WDR17: variants seen among roughly 807,000 people sequenced by gnomAD.
WDR17 encodes WD repeat-containing protein 17.
In WDR17, 143 loss-of-function variants were observed where a neutral mutation model predicts 161.7. The observed-to-expected ratio is 0.88, with a 90% CI of 0.77 to 1.02. The LOEUF (loss-of-function observed/expected upper bound fraction) is 1.02, where lower values mean the gene tolerates loss of function less well. Among genes scored for constraint, WDR17 ranks in the 50% least tolerant of loss-of-function variants. The pLI, the probability that WDR17 is intolerant of heterozygous loss-of-function variation, is 0.00. For synonymous variants in WDR17, 517 were observed against 515.6 expected, an observed-to-expected ratio of 1.00 and a Z score of -0.04; for missense variants, 1,469 against 1,520.9, an observed-to-expected ratio of 0.97 and a Z score of 0.57.
chr4:176,073,762 A>C (rs1287552456), intron 1 of WDR17, among the ~76,000 whole-genome samples: 1 of 151,474 alleles, frequency 6.6e-6, no homozygotes, highest in Non-Finnish European at 1.5e-5. Context: ...CCTCTCCAGC[A>C]CCTGTTGTTT....
At chr4:176,143,530 A>T (rs1016586744) in intron 11 of WDR17, among the ~76,000 whole-genome samples, 3 of 151,778 alleles carry the variant, frequency 2.0e-5, no homozygotes, top group Non-Finnish European at 4.4e-5. Context: ...AAATGAAAAA[A>T]TTAGTCAAAC....
chr4:176,156,909 A>T (rs566699601), intron 18 of WDR17, among the ~76,000 whole-genome samples: 1 of 152,026 alleles, frequency 6.6e-6, no homozygotes, highest in South Asian at 2.1e-4. Flanking sequence ...TTATCTGCAC[A>T]TGGCATTATT....
chr4:176,158,391 TTTTTAGG>T (rs1748491916), intron 18 of WDR17, among the ~76,000 whole-genome samples: 1 of 152,150 alleles, frequency 6.6e-6, no homozygotes, highest in Non-Finnish European at 1.5e-5. Context: ...TATAACATAA[TTTTTAGG>T]TTTTAGGTTT....
intron 1 of WDR17, among the ~76,000 whole-genome samples, chr4:176,081,688 G>A (rs1031892243): frequency 4.6e-5 from 7 of 152,022 alleles, no homozygotes; most frequent in South Asian, 2.1e-4. Flanking sequence ...CCTTTCCTTC[G>A]GGGATGCAAG....
At chr4:176,067,398 G>A (rs1348078639) in intron 1 of WDR17, among the ~76,000 whole-genome samples, 1 of 152,130 alleles carries the variant, frequency 6.6e-6, no homozygotes, top group Non-Finnish European at 1.5e-5. Flanking sequence ...ATTTCAAAGG[G>A]CATATACGGA....
intron 2 of WDR17, among the ~76,000 whole-genome samples, chr4:176,113,313 A>T (rs1015257782): frequency 6.6e-6 from 1 of 152,092 alleles, no homozygotes; most frequent in Admixed American, 6.6e-5. Flanking sequence ...TAAGGATGGT[A>T]AAGAAACTCA....
chr4:176,107,977 C>CTTCT (rs1739061924), intron 1 of WDR17, among the ~76,000 whole-genome samples: 1 of 146,780 alleles, frequency 6.8e-6, no homozygotes, highest in Non-Finnish European at 1.5e-5. Context: ...TCCTTCCTTC[C>CTTCT]TTCTTTCTTT....
intron 11 of WDR17, among the ~76,000 whole-genome samples, chr4:176,145,405 A>G (rs911136068): frequency 5.3e-5 from 8 of 152,214 alleles, no homozygotes; most frequent in African/African-American, 1.7e-4. Context: ...CAAACAGTTA[A>G]AGCATCTTAA....
At chr4:176,149,513 A>G (rs925506789) in intron 13 of WDR17, among the ~76,000 whole-genome samples, 16 of 151,766 alleles carry the variant, frequency 1.1e-4, no homozygotes, top group African/African-American at 3.6e-4. Flanking sequence ...CAAGGGATCC[A>G]CCCGCCTCAG....
rs778731861 is a variant in WDR17 at position 176,131,707 on chromosome 4, G to A, written c.1067G>A (p.Gly356Glu). Reference sequence around the variant, plus strand: ...GGTGGAGTTGGACTTTATGATATGGGAGCTAAGAAGTGGGATTTTCTTAGA... The same window carrying A: ...GGTGGAGTTGGACTTTATGATATGGAAGCTAAGAAGTGGGATTTTCTTAGA... ...LDGGVGLYDM[G>E]AKKWDFLRDL... is the part of the protein sequence containing the mutation. The change falls in exon 7 of 29, where the codon GGA becomes GAA. Residue 356 changes from glycine (G) to glutamate (E), a missense_variant. Gly to Glu is a moderately conservative substitution (Grantham distance 98). Coordinates refer to ENST00000508596, the MANE Select transcript of WDR17 (RefSeq NM_181265.4). 6.2e-7 allele frequency: 1 copy of A among 1,611,766 alleles called. No individual in the cohort carries two copies. The highest frequency in any genetic ancestry group is 8.5e-7 in the Non-Finnish European group (1 of 1,179,136).
At position 176,172,375 on chromosome 4, in the gene WDR17, T is replaced by C; in HGVS notation, c.3103T>C (p.Cys1035Arg). ...TGTTTTCAAATCAATTATTTTCTAG[T>C]GTAAGCTACCCACAGTGGAAGAATG... Reference protein sequence around the residue: ...TEEINDLHDKCKLPTVEECMQ... With the variant: ...TEEINDLHDKRKLPTVEECMQ... Residue 1035 changes from cysteine to arginine, a missense_variant and splice_region_variant, in exon 24 of 29, where the codon TGT becomes CGT. By Grantham distance (180) the Cys-to-Arg change is radical. Transcript: ENST00000508596. The C allele has an allele frequency of 1.2e-6, 2 of 1,604,862 alleles. No homozygotes were observed. Among genetic ancestry groups the C allele is most frequent in the Non-Finnish European group, 1.7e-6 (2 of 1,177,994 alleles).
At chr4:176,099,116 AGTTC>A (rs1430310995) in intron 1 of WDR17, among the ~76,000 whole-genome samples, 1 of 152,180 alleles carries the variant, frequency 6.6e-6, no homozygotes, top group Non-Finnish European at 1.5e-5. Context: ...GCTGGTTTCT[AGTTC>A]AGTATGTAAG....
chr4:176,164,816 C>T (rs1749531260), intron 22 of WDR17, among the ~76,000 whole-genome samples: 1 of 152,056 alleles, frequency 6.6e-6, no homozygotes, highest in Non-Finnish European at 1.5e-5. Flanking sequence ...AGTACCCTAC[C>T]ATCAGTTTCA....
At chr4:176,151,351 G>A (rs1358913475) in intron 16 of WDR17, among the ~76,000 whole-genome samples, 3 of 151,700 alleles carry the variant, frequency 2.0e-5, no homozygotes, top group Non-Finnish European at 4.4e-5. Flanking sequence ...ACCTGGAGAG[G>A]GTTAAGAACA....
At chr4:176,111,476 A>T (rs1739728846) in intron 1 of WDR17, 99 bp from the exon 2 acceptor site, 7 of 1,320,982 alleles carry the variant, frequency 5.3e-6, no homozygotes, top group Non-Finnish European at 6.0e-6. Flanking sequence ...AATGTTTTTC[A>T]GGGCACACAG....
chr4:176,072,401 T>C (rs960763308), intron 1 of WDR17, among the ~76,000 whole-genome samples: 1 of 152,190 alleles, frequency 6.6e-6, no homozygotes, highest in Non-Finnish European at 1.5e-5. Context: ...TTTGTTGGAG[T>C]TGGGATGTGA....
rs372560658 is a variant in WDR17, at chr4:176,162,930, T to C, written c.2851-224T>C. Among the ~76,000 whole-genome samples the C allele has an allele frequency of 2.6e-5, 4 of 152,250 alleles. No homozygotes were observed. The East Asian group carries it at 5.8e-4, about 22-fold the overall frequency. ...GAACCAAGGGTTCTAAACTCTTCAA[T>C]TCTGACCTAAAAAAAATTTCTGTAT... On this transcript the variant is annotated intron_variant, in intron 21 of 28. Transcript: ENST00000508596.
At position 176,069,842 on chromosome 4, in the gene WDR17, C is replaced by T. The variant is rs72706329; in HGVS notation, c.-7+3763C>T. Among the ~76,000 whole-genome samples, 1,067 of 152,198 alleles carry T rather than the reference C, an allele frequency of 7.0e-3. 5 individuals carry two copies. The highest frequency in any genetic ancestry group is 0.024 in the Middle Eastern group (7 of 294). ...AAACCCTTCATTACAATACAAACAG[C>T]TCCACATGGAGTCTCAAAAAAATGA... is the stretch of plus-strand genomic sequence containing the variant. On this transcript the variant is annotated intron_variant, in intron 1 of 28. Coordinates refer to ENST00000508596, the MANE Select transcript of WDR17 (RefSeq NM_181265.4).
chr4:176,099,956 TACC>T (rs1196512298), intron 1 of WDR17, among the ~76,000 whole-genome samples: 4 of 152,190 alleles, frequency 2.6e-5, no homozygotes, highest in Non-Finnish European at 5.9e-5. Flanking sequence ...TGTGTATATA[TACC>T]ACATTTTCAT....
Sources: gnomAD v4.1 joint callset for allele counts (sites outside exome capture counted in the v4.1 genomes callset) on GRCh38, gnomAD v4.1.1 for gene constraint, MANE v1.5 for transcripts, NCBI Gene and HGNC (gene_info 2026-07-23, HGNC 2026-07-21) for gene names.